The following ZNF740 variants were observed in gnomAD, a reference collection of about 807,000 sequenced individuals.
ZNF740 encodes zinc finger protein 740.
ZNF740 carries 14 observed loss-of-function variants against 24.8 expected under a neutral mutation model. The ratio of observed to expected loss-of-function variants is 0.56; its 90% CI spans 0.37 to 0.88. The LOEUF is 0.88. Among genes scored for constraint, ZNF740 ranks in the 40% least tolerant of loss-of-function variants. The pLI, the probability that ZNF740 is intolerant of heterozygous loss-of-function variation, is 0.00. For synonymous variants in ZNF740, 69 were observed against 84.0 expected (o/e 0.82, Z 0.98); for missense variants, 201 against 247.9 (o/e 0.81, Z 1.27).
At position 53,193,207 on chromosome 12, in the gene ZNF740, C is replaced by T. The variant is rs1212966794; in HGVS notation, c.*5617C>T. 2 of 1,614,142 alleles carry T rather than the reference C, an allele frequency of 1.2e-6. No homozygotes were observed. Among genetic ancestry groups the T allele is most frequent in the Admixed American group, 1.7e-5 (1 of 60,026 alleles). ...CACACTCGCACAGATGCCCAGAGCT[C>T]TGTCCACTGCAGCTGCAGCGTCCAC... On this transcript the variant is annotated 3_prime_UTR_variant, in exon 7 of 7. Coordinates refer to ENST00000416904, the MANE Select transcript of ZNF740 (RefSeq NM_001004304.4).
chr12:53,181,670 G>T lies in ZNF740; in HGVS notation c.-307-7G>T. ...TTAGCAGCCCCCCTCTTCCTTTCTG[G>T]TTTCAGGTTTCTGAAACAGATCGTG... is the stretch of plus-strand genomic sequence containing the variant. On this transcript the variant is annotated splice_region_variant and splice_polypyrimidine_tract_variant and intron_variant, in intron 1 of 6. Transcript: ENST00000416904. The T allele has an allele frequency of 2.4e-6, 1 of 423,008 alleles. No homozygotes were observed. The highest frequency in any genetic ancestry group is 3.8e-6 in the Non-Finnish European group (1 of 264,104). The allele number at this position is 423,008 out of a possible 1,614,324, so 26.2% of individuals were successfully genotyped here. A position where few individuals can be genotyped will look rare whatever the true frequency, so the allele number is the denominator to read the frequency against.
In ZNF740 at chr12:53,181,995, A is replaced by G. The variant is rs1197131616; in HGVS notation, c.9+3A>G. Reference sequence around the variant, plus strand: ...AGTGAGAAATCAGCATGGCTCAGGTAAAAAGCTCTAGAGTCCTCCTCCAAG... The same window carrying G: ...AGTGAGAAATCAGCATGGCTCAGGTGAAAAGCTCTAGAGTCCTCCTCCAAG... On this transcript the variant is annotated splice_donor_region_variant and intron_variant, in intron 2 of 6. Coordinates refer to ENST00000416904, the MANE Select transcript of ZNF740 (RefSeq NM_001004304.4). 6.2e-7 allele frequency: 1 copy of G among 1,607,876 alleles called. No individual in the cohort carries two copies. Among genetic ancestry groups the G allele is most frequent in the East Asian group, 2.2e-5 (1 of 44,798 alleles).
intron 2 of ZNF740, 53 bp downstream of exon 2, chr12:53,182,045 T>A (rs886620109): frequency 1.3e-6 from 2 of 1,592,030 alleles, no homozygotes; most frequent in Non-Finnish European, 1.7e-6. Context: ...TGTTTGCAGT[T>A]TCACTCTTGA....
At position 53,189,578 on chromosome 12, in the gene ZNF740, T is replaced by C. The variant is rs1941888788; in HGVS notation, c.*1988T>C. 6.6e-6 allele frequency: 1 copy of C among 152,150 alleles called. No homozygotes were observed. The highest frequency in any genetic ancestry group is 2.1e-4 in the South Asian group (1 of 4,830). The allele number at this position is 152,150 out of a possible 1,614,324, so 9.4% of individuals were successfully genotyped here. On this transcript the variant is annotated 3_prime_UTR_variant, in exon 7 of 7. Transcript: ENST00000416904. ...ATCTGAGATCCTTTTGGGGAGACGC[T>C]GAGGAGTGTTTGCTGCCATGTACTC...
Position 53,193,037 on chromosome 12 carries a change from C to A in ZNF740, c.*5447C>A. On this transcript the variant is annotated 3_prime_UTR_variant, in exon 7 of 7. Coordinates refer to ENST00000416904, the MANE Select transcript of ZNF740 (RefSeq NM_001004304.4). ...CAACCACACCCTCTAACCCATACAC[C>A]GGAATCTTTTGATATTTGCCTTCCA... 7.3e-7 allele frequency: 1 copy of A among 1,375,486 alleles called. No homozygotes were observed. 85.2% of individuals were successfully genotyped at this position (1,375,486 alleles called of 1,614,324 possible). A position where few individuals can be genotyped will look rare whatever the true frequency, so the allele number is the denominator to read the frequency against.
chr12:53,186,956 G>T (rs536565344), intron 6 of ZNF740, among the ~76,000 whole-genome samples: 128 of 152,306 alleles, frequency 8.4e-4, no homozygotes, highest in African/African-American at 2.4e-3. Flanking sequence ...TGCCCTGGGG[G>T]TCAGTATCTG....
chr12:53,181,707 G>A lies in ZNF740; in HGVS notation c.-277G>A. 1 of 474,688 alleles carries A rather than the reference G, an allele frequency of 2.1e-6. No individual in the cohort carries two copies. The highest frequency in any genetic ancestry group is 3.4e-5 in the South Asian group (1 of 29,628). The allele number at this position is 474,688 out of a possible 1,614,324, so 29.4% of individuals were successfully genotyped here. A position where few individuals can be genotyped will look rare whatever the true frequency, so the allele number is the denominator to read the frequency against. ...TGAAACAGATCGTGAGCTTCATCAA[G>A]AGAATTCAACTGGAAAACCAAGACT... On this transcript the variant is annotated 5_prime_UTR_variant, in exon 2 of 7. Transcript: ENST00000416904.
intron 2 of ZNF740, 49 bp downstream of exon 2, chr12:53,182,041 C>T: frequency 6.3e-7 from 1 of 1,594,108 alleles, no homozygotes; most frequent in Non-Finnish European, 8.6e-7. Context: ...AGCCTGTTTG[C>T]AGTTTCACTC....
Position 53,192,633 on chromosome 12 carries a change from G to A in ZNF740, c.*5043G>A. On this transcript the variant is annotated 3_prime_UTR_variant, in exon 7 of 7. Transcript: ENST00000416904. ...CAGGACGGAGAGTAGGCAGATGGGAGTAGCTCAACAAGCCCCACTGTGCCC... is the reference window on the plus strand; with the variant it reads ...CAGGACGGAGAGTAGGCAGATGGGAATAGCTCAACAAGCCCCACTGTGCCC... The A allele has an allele frequency of 6.3e-7, 1 of 1,597,496 alleles. No individual in the cohort carries two copies. Among genetic ancestry groups the A allele is most frequent in the Non-Finnish European group, 8.6e-7 (1 of 1,167,624 alleles).
chr12:53,182,982 GCTT>G (rs1324120029), intron 2 of ZNF740, among the ~76,000 whole-genome samples: 2 of 152,184 alleles, frequency 1.3e-5, no homozygotes, highest in South Asian at 2.1e-4. Context: ...CATCTCCAGA[GCTT>G]CTCCCAGCTT....
intron 2 of ZNF740, among the ~76,000 whole-genome samples, chr12:53,184,002 C>T (rs1434825012): frequency 2.6e-5 from 4 of 151,638 alleles, no homozygotes; most frequent in Non-Finnish European, 4.4e-5. Flanking sequence ...CCAGCCTGGG[C>T]GACAGAGTGA....
At position 53,192,997 on chromosome 12, in the gene ZNF740, CTT is replaced by C. The variant is rs1942019692; in HGVS notation, c.*5411_*5412del. On this transcript the variant is annotated 3_prime_UTR_variant, in exon 7 of 7. Coordinates refer to ENST00000416904, the MANE Select transcript of ZNF740 (RefSeq NM_001004304.4). ...GGCACGACAAGCCCACGCATCCAAT[CTT>C]TTTGAAGTATGCCAACCACACCCTC... 1 of 1,433,762 alleles carries C rather than the reference CTT, an allele frequency of 7.0e-7. No individual in the cohort carries two copies. The highest frequency in any genetic ancestry group is 1.4e-5 in the African/African-American group (1 of 71,156). 88.8% of individuals were successfully genotyped at this position (1,433,762 alleles called of 1,614,324 possible). A position where few individuals can be genotyped will look rare whatever the true frequency, so the allele number is the denominator to read the frequency against.
chr12:53,186,274 AT>A (rs1252778437), intron 5 of ZNF740, 116 bp from the exon 6 acceptor site: 17 of 1,175,960 alleles, frequency 1.4e-5, no homozygotes, highest in African/African-American at 3.1e-5. Context: ...ACCTCTCCCC[AT>A]TTATGATCAC....
rs1039464749 is a variant in ZNF740 at position 53,181,663 on chromosome 12, C to CTTTCTGG, written c.-307-9_-307-3dup. ...GTTGCATTTAGCAGCCCCCCTCTTCCTTTCTGGTTTCAGGTTTCTGAAACA... is the reference window on the plus strand; with the variant it reads ...GTTGCATTTAGCAGCCCCCCTCTTCCTTTCTGGTTTCTGGTTTCAGGTTTCTGAAACA... On this transcript the variant is annotated splice_polypyrimidine_tract_variant and intron_variant, in intron 1 of 6. Transcript: ENST00000416904. 4.6e-6 allele frequency: 2 copies of CTTTCTGG among 432,362 alleles called. No individual in the cohort carries two copies. The highest frequency in any genetic ancestry group is 7.2e-6 in the Non-Finnish European group (2 of 275,980). The allele number at this position is 432,362 out of a possible 1,614,324, so 26.8% of individuals were successfully genotyped here.
rs745966994 is a variant in ZNF740, at chr12:53,189,408, A to G, written c.*1818A>G. ...TATGATTTCATTTCCCAGAAAATGT[A>G]AAGAATGGATACCAGCAATGATTCC... On this transcript the variant is annotated 3_prime_UTR_variant, in exon 7 of 7. Coordinates refer to ENST00000416904, the MANE Select transcript of ZNF740 (RefSeq NM_001004304.4). The G allele has an allele frequency of 4.6e-5, 7 of 151,992 alleles. No homozygotes were observed. Among genetic ancestry groups the G allele is most frequent in the Non-Finnish European group, 7.4e-5 (5 of 67,996 alleles). 9.4% of individuals were successfully genotyped at this position (151,992 alleles called of 1,614,324 possible).
Position 53,184,944 on chromosome 12 carries a change from A to C in ZNF740, c.63A>C (p.Ala21=). The C allele has an allele frequency of 6.2e-7, 1 of 1,614,036 alleles. No homozygotes were observed. The highest frequency in any genetic ancestry group is 1.3e-5 in the African/African-American group (1 of 75,064). The stretch of plus-strand genomic sequence containing the variant: ...CAGGTGTGAGTTTGGTTCCCACTGC[A>C]GCCAGCAAGAAGATGATGCTGAGCC... ...GLAGVSLVPT[A]ASKKMMLSQI... Residue 21 remains alanine (A), a synonymous_variant, in exon 3 of 7, where the codon GCA becomes GCC. Transcript: ENST00000416904.
In ZNF740 at chr12:53,186,680, A is replaced by T. The variant is rs1941827902; in HGVS notation, c.492+171A>T. Reference sequence around the variant, plus strand: ...CCTTATGCAGCTGATCATGGGGAGCAGCAATTAGAACATTGTAATAATAAT... The same window carrying T: ...CCTTATGCAGCTGATCATGGGGAGCTGCAATTAGAACATTGTAATAATAAT... On this transcript the variant is annotated intron_variant, in intron 6 of 6. Transcript: ENST00000416904. 2.2e-5 allele frequency: 12 copies of T among 555,116 alleles called. No individual in the cohort carries two copies. In the East Asian group the frequency reaches 3.5e-4, roughly 16 times the overall value. 34.4% of individuals were successfully genotyped at this position (555,116 alleles called of 1,614,324 possible).
chr12:53,186,042 G>GT lies in ZNF740; in HGVS notation c.340dup (p.Tyr114LeufsTer13). The GT allele has an allele frequency of 6.2e-7, 1 of 1,613,974 alleles. No homozygotes were observed. Among genetic ancestry groups the GT allele is most frequent in the Non-Finnish European group, 8.5e-7 (1 of 1,179,848 alleles). ...CACTGCTTTGGAGCCTTTCGGAGCAGTTACCACCTAAAGAGGCACATCCTT... is the reference window on the plus strand; with the variant it reads ...CACTGCTTTGGAGCCTTTCGGAGCAGTTTACCACCTAAAGAGGCACATCCTT... On this transcript the variant is annotated frameshift_variant, in exon 5 of 7. Coordinates refer to ENST00000416904, the MANE Select transcript of ZNF740 (RefSeq NM_001004304.4). LOFTEE classifies it high-confidence loss of function.
chr12:53,189,784 C>T lies in ZNF740; in HGVS notation c.*2194C>T, dbSNP rs565276795. 1 of 152,158 alleles carries T rather than the reference C, an allele frequency of 6.6e-6. No homozygotes were observed. Among genetic ancestry groups the T allele is most frequent in the African/African-American group, 2.4e-5 (1 of 41,424 alleles). The allele number at this position is 152,158 out of a possible 1,614,324, so 9.4% of individuals were successfully genotyped here. A position where few individuals can be genotyped will look rare whatever the true frequency, so the allele number is the denominator to read the frequency against. ...GTCCTTCACTTCTGGGATGATTCAC[C>T]CCACATCTTCCAGTACCCTGTAAAC... On this transcript the variant is annotated 3_prime_UTR_variant, in exon 7 of 7. Coordinates refer to ENST00000416904, the MANE Select transcript of ZNF740 (RefSeq NM_001004304.4).
Sources: gnomAD v4.1 joint callset for allele counts (sites outside exome capture counted in the v4.1 genomes callset) on GRCh38, gnomAD v4.1.1 for gene constraint, MANE v1.5 for transcripts, NCBI Gene and HGNC (gene_info 2026-07-23, HGNC 2026-07-21) for gene names.